The following SYNE2 variants were observed in gnomAD, a reference collection of about 807,000 sequenced individuals.
SYNE2 encodes the protein spectrin repeat containing nuclear envelope protein 2, also known as nesprin-2.
SYNE2 carries 431 observed loss-of-function variants against 856.3 expected under a neutral mutation model. The observed-to-expected ratio is 0.50, with a 90% CI of 0.47 to 0.55. The LOEUF (loss-of-function observed/expected upper bound fraction) is 0.55. Among genes scored for constraint, SYNE2 ranks in the 20% least tolerant of loss-of-function variants. The pLI is 0.00. For synonymous variants in SYNE2, 2,923 were observed against 2,872.3 expected (o/e 1.02, Z -0.56); for missense variants, 8,129 against 8,023.2 (o/e 1.01, Z -0.50).
chr14:64,036,007 C>CA (rs902228979), intron 45 of SYNE2, among the ~76,000 whole-genome samples: 2 of 151,578 alleles, frequency 1.3e-5, no homozygotes, highest in Admixed American at 1.3e-4. Context: ...AATTCAGATC[C>CA]AAAAAAGTTT....
intron 1 of SYNE2, among the ~76,000 whole-genome samples, chr14:63,891,768 C>T (rs1470883963): frequency 2.6e-5 from 4 of 152,022 alleles, no homozygotes; most frequent in Non-Finnish European, 5.9e-5. Flanking sequence ...CTAATTTCCT[C>T]TGTAAGGGAA....
chr14:64,177,561 T>G, intron 96 of SYNE2, 78 bp downstream of exon 96: 2 of 1,581,758 alleles, frequency 1.3e-6, no homozygotes, highest in Non-Finnish European at 1.7e-6. Context: ...TTTGCCTCTT[T>G]CTGTATTGAA....
intron 111 of SYNE2, among the ~76,000 whole-genome samples, chr14:64,221,007 A>G (rs1025836837): frequency 3.9e-5 from 6 of 152,208 alleles, no homozygotes; most frequent in Non-Finnish European, 5.9e-5. Flanking sequence ...CTTTGAGCAA[A>G]GCATTGAACC....
chr14:64,003,581 G>A (rs990451483), intron 30 of SYNE2, among the ~76,000 whole-genome samples: 1 of 152,216 alleles, frequency 6.6e-6, no homozygotes, highest in Non-Finnish European at 1.5e-5. Flanking sequence ...GGTGAAGTCA[G>A]ATGTACATAA....
chr14:64,076,228 C>G, intron 54 of SYNE2, 128 bp downstream of exon 54: 1 of 974,428 alleles, frequency 1.0e-6, no homozygotes, highest in South Asian at 1.5e-5. Flanking sequence ...AGTTAAGTGA[C>G]CATCGTGTCT....
intron 1 of SYNE2, among the ~76,000 whole-genome samples, chr14:63,766,110 G>C (rs1886674100): frequency 6.9e-6 from 1 of 145,250 alleles, no homozygotes; most frequent in African/African-American, 2.6e-5. Flanking sequence ...AGAGAGTCTT[G>C]CTCTGTCACC....
chr14:64,074,475 G>A (rs936025163), intron 53 of SYNE2, among the ~76,000 whole-genome samples: 8 of 152,146 alleles, frequency 5.3e-5, no homozygotes, highest in African/African-American at 1.4e-4. Flanking sequence ...AGGACATGGC[G>A]CCTTGTCTCT....
rs141018805 is a variant in SYNE2 at position 64,128,163 on chromosome 14, T to C, written c.13918-289T>C. On this transcript the variant is annotated intron_variant, in intron 73 of 115. Coordinates refer to ENST00000555002, the MANE Select transcript of SYNE2 (RefSeq NM_182914.3). Reference sequence around the variant, plus strand: ...AGGATCTTTATCTTTTAGAAATATATACTGAAACGTATACTGATGAAATGA... The same window carrying C: ...AGGATCTTTATCTTTTAGAAATATACACTGAAACGTATACTGATGAAATGA... Among the ~76,000 whole-genome samples, 1,049 of 152,272 alleles carry C rather than the reference T, an allele frequency of 6.9e-3. 14 individuals are homozygous for C. The highest frequency in any genetic ancestry group is 0.024 in the African/African-American group (996 of 41,552).
intron 1 of SYNE2, among the ~76,000 whole-genome samples, chr14:63,891,370 C>T (rs966203499): frequency 6.6e-6 from 1 of 152,074 alleles, no homozygotes; most frequent in Non-Finnish European, 1.5e-5. Context: ...AAAGGGGAGT[C>T]ACTTATGGGA....
intron 61 of SYNE2, among the ~76,000 whole-genome samples, chr14:64,096,966 G>T (rs533942790): frequency 1.4e-4 from 22 of 152,200 alleles, no homozygotes; most frequent in Non-Finnish European, 2.5e-4. Flanking sequence ...CTAAAAAGGA[G>T]CAGGCTGCTT....
At chr14:64,083,670 C>T (rs1329681455) in intron 57 of SYNE2, among the ~76,000 whole-genome samples, 1 of 152,166 alleles carries the variant, frequency 6.6e-6, no homozygotes, top group African/African-American at 2.4e-5. Flanking sequence ...CTCATTTGTG[C>T]AATAATCTTA....
chr14:64,111,102 A>G (rs1407420565), intron 65 of SYNE2, among the ~76,000 whole-genome samples: 2 of 151,926 alleles, frequency 1.3e-5, no homozygotes, highest in African/African-American at 4.8e-5. Context: ...GTGGTGGCTC[A>G]TGCCTGTAAT....
intron 1 of SYNE2, among the ~76,000 whole-genome samples, chr14:63,819,776 T>G (rs902323038): frequency 6.6e-6 from 1 of 150,768 alleles, no homozygotes; most frequent in South Asian, 2.1e-4. Flanking sequence ...GACCTCGTGA[T>G]CCACCCGCCT....
At chr14:63,873,953 A>G (rs1333135882) in intron 1 of SYNE2, 1 of 152,290 alleles carries the variant, frequency 6.6e-6, no homozygotes, top group African/African-American at 2.4e-5. Context: ...TGACAGAGGT[A>G]CATAGGAGGC....
intron 18 of SYNE2, 145 bp downstream of exon 18, chr14:63,984,031 C>G (rs2096606191): frequency 1.6e-6 from 1 of 611,408 alleles, no homozygotes; most frequent in Non-Finnish European, 2.8e-6. Flanking sequence ...GGCTTGAACT[C>G]AGGAGTTCGA....
Position 64,003,231 on chromosome 14 carries a change from T to G in SYNE2, c.4298T>G (p.Ile1433Ser). 6.2e-7 allele frequency: 1 copy of G among 1,613,748 alleles called. No individual in the cohort carries two copies. The highest frequency in any genetic ancestry group is 8.5e-7 in the Non-Finnish European group (1 of 1,179,896). ...TEENKLLEAC[I>S]FKNNELLKNI... The stretch of plus-strand genomic sequence containing the variant: ...GAAAACAAATTACTAGAGGCTTGTA[T>G]TTTCAAAAATAATGAACTCCTTAAA... Residue 1433 changes from isoleucine (I) to serine (S), a missense_variant, in exon 30 of 116, where the codon ATT becomes AGT. Ile to Ser is a moderately radical substitution (Grantham distance 142). This residue lies in a region of SYNE2 where 2,422 missense variants were observed against 2,357.4 expected (regional missense o/e 1.03). Coordinates refer to ENST00000555002, the MANE Select transcript of SYNE2 (RefSeq NM_182914.3).
rs34952817 is a variant in SYNE2, at chr14:63,837,918, CA to C, written c.-304-14559del. On this transcript the variant is annotated intron_variant, in intron 1 of 23. Coordinates refer to the SYNE2 transcript ENST00000674003. ...TGGATGACAAAGTGAGACTCTGTTT[CA>C]AAAAAAAAAAAAAAAAAAAAAAAGA... Among the ~76,000 whole-genome samples the C allele has an allele frequency of 4.7e-3, 291 of 62,184 alleles. 2 individuals are homozygous for C. The highest frequency in any genetic ancestry group is 0.014 in the Middle Eastern group (1 of 72). The allele number at this position is 62,184 out of a possible 152,430, so 40.8% of individuals were successfully genotyped here.
At position 64,203,236 on chromosome 14, in the gene SYNE2, C is replaced by G. The variant is rs558820967; in HGVS notation, c.18201+273C>G. ...GTTAATGAGATTTTTTTAATTATGT[C>G]TTTTTTTAACTGATCTTTGTTGTGT... On this transcript the variant is annotated intron_variant, in intron 100 of 115. Coordinates refer to ENST00000555002, the MANE Select transcript of SYNE2 (RefSeq NM_182914.3). Among the ~76,000 whole-genome samples the G allele has an allele frequency of 5.3e-5, 8 of 151,952 alleles. No individual in the cohort carries two copies. The South Asian group carries it at 8.3e-4, about 16-fold the overall frequency.
intron 1 of SYNE2, among the ~76,000 whole-genome samples, chr14:63,765,673 T>C (rs1330076748): frequency 6.6e-6 from 1 of 152,082 alleles, no homozygotes; most frequent in Non-Finnish European, 1.5e-5. Flanking sequence ...TCATCGACTT[T>C]TAAAAAACAA....
Sources: gnomAD v4.1 joint callset for allele counts (sites outside exome capture counted in the v4.1 genomes callset) on GRCh38, gnomAD v4.1.1 for gene constraint, gnomAD v4.1.1 regional missense constraint, MANE v1.5 for transcripts, NCBI Gene and HGNC (gene_info 2026-07-23, HGNC 2026-07-21) for gene names.